The following TP63 variants were observed in gnomAD, a reference collection of about 807,000 sequenced individuals.
TP63 encodes tumor protein 63.
TP63 carries 17 observed loss-of-function variants against 82.8 expected under a neutral mutation model. The ratio of observed to expected loss-of-function variants is 0.21; its 90% CI spans 0.14 to 0.31. The LOEUF (loss-of-function observed/expected upper bound fraction) is 0.31, where lower values mean the gene tolerates loss of function less well. Among genes scored for constraint, TP63 ranks in the 10% least tolerant of loss-of-function variants. The probability of loss-of-function intolerance (pLI) is 1.00; values close to 1 mark genes in which losing one functional copy is unlikely to be tolerated. For missense variants in TP63, 648 were observed against 895.3 expected (o/e 0.72, Z 3.52); for synonymous variants, 330 against 321.7 (o/e 1.03, Z -0.28).
intron 3 of TP63, among the ~76,000 whole-genome samples, chr3:189,802,212 A>G (rs1726387412): frequency 6.6e-6 from 1 of 152,200 alleles, no homozygotes; most frequent in African/African-American, 2.4e-5. Flanking sequence ...CTGCTAAAGC[A>G]TAATTGAATG....
chr3:189,687,903 G>C (rs1716577815), intron 1 of TP63, among the ~76,000 whole-genome samples: 1 of 152,090 alleles, frequency 6.6e-6, no homozygotes, highest in South Asian at 2.1e-4. Context: ...AACAGTTGGA[G>C]ATCCTTTGGA....
chr3:189,614,120 T>G, the TP63 span, among the ~76,000 whole-genome samples: 1,148 of 152,248 alleles, frequency 7.5e-3, 14 homozygotes, highest in African/African-American at 0.025. Flanking sequence ...TGGGGCAGTA[T>G]GATATGGTTT....
In TP63 at chr3:189,653,516, A is replaced by G. The variant is rs1713070684; in HGVS notation, c.62+21939A>G. Among the ~76,000 whole-genome samples, 4 of 152,248 alleles carry G rather than the reference A, an allele frequency of 2.6e-5. No individual in the cohort carries two copies. In the South Asian group the frequency reaches 8.3e-4, roughly 32 times the overall value. On this transcript the variant is annotated intron_variant, in intron 1 of 13. Coordinates refer to ENST00000264731, the MANE Select transcript of TP63 (RefSeq NM_003722.5). ...GTTGTAACCATTATATGTCACAATT[A>G]TAAACTATGTTATGTAATTTTCCTA...
At chr3:189,686,995 C>A (rs537300344) in intron 1 of TP63, among the ~76,000 whole-genome samples, 1 of 152,064 alleles carries the variant, frequency 6.6e-6, no homozygotes, top group Non-Finnish European at 1.5e-5. Context: ...TCCCCAAGTA[C>A]TGGGATTACA....
At chr3:189,846,537 G>C (rs1281018939) in intron 4 of TP63, among the ~76,000 whole-genome samples, 2 of 151,740 alleles carry the variant, frequency 1.3e-5, no homozygotes, top group Admixed American at 6.6e-5. Context: ...TATATGTACA[G>C]TATGTATACA....
chr3:189,631,346 G>T (rs1182676380), upstream of TP63: 1 of 1,455,902 alleles, frequency 6.9e-7, no homozygotes, highest in Non-Finnish European at 9.1e-7. Flanking sequence ...GAAACGCTCC[G>T]CCTCTTTGCA....
At chr3:189,880,154 C>T (rs772238697) in intron 10 of TP63, 5 of 1,613,802 alleles carry the variant, frequency 3.1e-6, no homozygotes, top group East Asian at 2.2e-5. Context: ...ATTCCAAGCC[C>T]CCAAACCGAT....
intron 1 of TP63, among the ~76,000 whole-genome samples, chr3:189,727,267 T>C (rs1441821016): frequency 6.6e-6 from 1 of 152,248 alleles, no homozygotes; most frequent in Non-Finnish European, 1.5e-5. Flanking sequence ...TTCAGAACTG[T>C]CATCAGATTC....
At chr3:189,843,510 A>G (rs1714445134) in intron 4 of TP63, among the ~76,000 whole-genome samples, 1 of 152,216 alleles carries the variant, frequency 6.6e-6, no homozygotes, top group Non-Finnish European at 1.5e-5. Flanking sequence ...TCAAGAGCAC[A>G]ATTCGTACAT....
the TP63 span, among the ~76,000 whole-genome samples, chr3:189,611,768 G>A: frequency 6.6e-6 from 1 of 152,150 alleles, no homozygotes; most frequent in African/African-American, 2.4e-5. Context: ...ACCATGGGAT[G>A]TTTTTCCATT....
chr3:189,656,374 G>C (rs924814688), intron 1 of TP63, among the ~76,000 whole-genome samples: 1 of 152,060 alleles, frequency 6.6e-6, no homozygotes, highest in Non-Finnish European at 1.5e-5. Flanking sequence ...CATAAATAGA[G>C]GAGGCAAAAT....
rs983628762 is a variant in TP63 at position 189,648,488 on chromosome 3, C to T, written c.62+16911C>T. On this transcript the variant is annotated intron_variant, in intron 1 of 13. Transcript: ENST00000264731. ...CAATAACTACTGACTGAATGAATTA[C>T]GGAGAAATCATTAATAAATAATTCT... Among the ~76,000 whole-genome samples the T allele has an allele frequency of 1.8e-4, 26 of 147,114 alleles. 1 individual carries two copies. The highest frequency in any genetic ancestry group is 5.3e-4 in the Admixed American group (8 of 14,970).
chr3:189,714,511 G>A (rs895566596), intron 1 of TP63, among the ~76,000 whole-genome samples: 9 of 152,072 alleles, frequency 5.9e-5, no homozygotes, highest in Admixed American at 2.0e-4. Flanking sequence ...CCAATTATGC[G>A]GAAATTTTGA....
intron 3 of TP63, among the ~76,000 whole-genome samples, chr3:189,744,333 T>C (rs1293001407): frequency 6.6e-6 from 1 of 152,188 alleles, no homozygotes; most frequent in African/African-American, 2.4e-5. Flanking sequence ...ATGGTGTAGC[T>C]GCTGTGGCCC....
chr3:189,770,715 A>G (rs577452353), intron 3 of TP63, among the ~76,000 whole-genome samples: 1 of 152,292 alleles, frequency 6.6e-6, no homozygotes, highest in East Asian at 1.9e-4. Flanking sequence ...CTCTGAATTT[A>G]TGCAAATTTG....
chr3:189,848,656 G>A (rs909780674), intron 4 of TP63, among the ~76,000 whole-genome samples: 2 of 152,174 alleles, frequency 1.3e-5, no homozygotes, highest in Non-Finnish European at 2.9e-5. Flanking sequence ...CAGAAATTCT[G>A]TAATTAGAAT....
intron 3 of TP63, among the ~76,000 whole-genome samples, chr3:189,782,858 T>A (rs181374088): frequency 1.8e-3 from 278 of 152,160 alleles, no homozygotes; most frequent in African/African-American, 6.4e-3. Flanking sequence ...CTCTAAGAAA[T>A]TTTAAAAAAT....
At chr3:189,825,215 A>T (rs1283470059) in intron 4 of TP63, among the ~76,000 whole-genome samples, 1 of 152,206 alleles carries the variant, frequency 6.6e-6, no homozygotes, top group African/African-American at 2.4e-5. Flanking sequence ...TTTTAAAATG[A>T]TTTATAAAGT....
intron 10 of TP63, chr3:189,880,673 T>A: frequency 5.1e-6 from 5 of 985,468 alleles, no homozygotes; most frequent in Non-Finnish European, 6.0e-6. Context: ...TCAGACCCTT[T>A]TAATGCTGGT....
Sources: allele counts gnomAD v4.1 joint callset (sites outside exome capture counted in the v4.1 genomes callset), GRCh38; gene constraint gnomAD v4.1.1; transcripts MANE v1.5; gene names NCBI Gene and HGNC (gene_info 2026-07-23, HGNC 2026-07-21).